Variants in IL17C observed in about 807,000 individuals in gnomAD.
IL17C encodes the protein interleukin-17C.
In IL17C, 13 loss-of-function variants were observed where a neutral mutation model predicts 11.0. The ratio of observed to expected loss-of-function variants is 1.18; its 90% CI spans 0.77 to 1.88. IL17C has a LOEUF of 1.88. IL17C is among the 40% of genes most tolerant of loss of function. The probability of loss-of-function intolerance (pLI) is 0.00; values close to 1 mark genes in which losing one functional copy is unlikely to be tolerated. For synonymous variants in IL17C, 150 were observed against 125.8 expected (o/e 1.19, Z -1.29); for missense variants, 357 against 278.2 (o/e 1.28, Z -2.01).
rs377313526 is a variant in IL17C, at chr16:88,639,119, C to T, written c.145C>T (p.Pro49Ser). The T allele has an allele frequency of 6.2e-7, 1 of 1,613,164 alleles. No homozygotes were observed. The highest frequency in any genetic ancestry group is 8.5e-7 in the Non-Finnish European group (1 of 1,179,954). ...GGAACTGCCCCTCGGCCAGGCCCCC[C>T]CACACCTGCTGGCTCGAGGTGCCAA... Reference protein sequence around the residue: ...AEELPLGQAPPHLLARGAKWG... With the variant: ...AEELPLGQAPSHLLARGAKWG... Residue 49 changes from proline (P) to serine (S), a missense_variant, in exon 2 of 3, where the codon CCA (proline) becomes TCA (serine). Pro to Ser is a moderately conservative substitution (Grantham distance 74). Coordinates refer to ENST00000244241, the MANE Select transcript of IL17C (RefSeq NM_013278.4). This position sits in a 1 kb window ranked among gnomAD's most constrained non-coding sequence, Gnocchi z 5.1.
chr16:88,639,371 GCCCGGAGA>G lies in IL17C; in HGVS notation c.335+63_335+70del. 7.0e-7 allele frequency: 1 copy of G among 1,436,312 alleles called. No individual in the cohort carries two copies. The highest frequency in any genetic ancestry group is 2.3e-5 in the Admixed American group (1 of 42,848). The allele number at this position is 1,436,312 out of a possible 1,614,324, so 89.0% of individuals were successfully genotyped here. ...CCCCTCCCCTGGCGGGGCCCTGACT[GCCCGGAGA>G]GCTCTCTGGGCCTTGGTGGTTCTCA... is the stretch of plus-strand genomic sequence containing the variant. On this transcript the variant is annotated intron_variant, in intron 2 of 2. Transcript: ENST00000244241. The surrounding 1 kb of genome is among the most constrained non-coding windows in gnomAD (Gnocchi z 5.1).
chr16:88,640,290 C>T lies in IL17C; in HGVS notation c.*218C>T. On this transcript the variant is annotated 3_prime_UTR_variant, in exon 3 of 3. Transcript: ENST00000244241. ...TCAGCACCTCTTCCAGCCCTTAAAGCTGCAGAAAAGGTGTCACACGGCTGC... is the reference window on the plus strand; with the variant it reads ...TCAGCACCTCTTCCAGCCCTTAAAGTTGCAGAAAAGGTGTCACACGGCTGC... The T allele has an allele frequency of 1.9e-6, 1 of 514,106 alleles. No individual in the cohort carries two copies. The highest frequency in any genetic ancestry group is 3.3e-6 in the Non-Finnish European group (1 of 300,292). The allele number at this position is 514,106 out of a possible 1,614,324, so 31.8% of individuals were successfully genotyped here. A position where few individuals can be genotyped will look rare whatever the true frequency, so the allele number is the denominator to read the frequency against.
At position 88,638,983 on chromosome 16, in the gene IL17C, C is replaced by T; in HGVS notation, c.9C>T (p.Leu3=). 1 of 1,560,108 alleles carries T rather than the reference C, an allele frequency of 6.4e-7. No homozygotes were observed. Among genetic ancestry groups the T allele is most frequent in the Non-Finnish European group, 8.7e-7 (1 of 1,149,966 alleles). The part of the protein sequence containing the change: MT[L]LPGLLFLTWL... ...CACCCACCTGCCTGTTTCACCAGCT[C>T]CTCCCCGGCCTCCTGTTTCTGACCT... Residue 3 remains leucine, a splice_region_variant and synonymous_variant, in exon 2 of 3, where the codon CTC becomes CTT. Coordinates refer to ENST00000244241, the MANE Select transcript of IL17C (RefSeq NM_013278.4).
Position 88,639,797 on chromosome 16 carries a change from T to C in IL17C, c.336-17T>C, listed in dbSNP as rs947346530. Reference sequence around the variant, plus strand: ...ACAGGGTAGGGCCAGAGACTCACTGTGCACCCCGTCCCGCAGTGTGGACAC... The same window carrying C: ...ACAGGGTAGGGCCAGAGACTCACTGCGCACCCCGTCCCGCAGTGTGGACAC... On this transcript the variant is annotated splice_polypyrimidine_tract_variant and intron_variant, in intron 2 of 2. Coordinates refer to ENST00000244241, the MANE Select transcript of IL17C (RefSeq NM_013278.4). This position sits in a 1 kb window ranked among gnomAD's most constrained non-coding sequence, Gnocchi z 5.1. 1.3e-6 allele frequency: 2 copies of C among 1,526,434 alleles called. No homozygotes were observed. Among genetic ancestry groups the C allele is most frequent in the Admixed American group, 3.9e-5 (2 of 50,816 alleles). 94.6% of individuals were successfully genotyped at this position (1,526,434 alleles called of 1,614,324 possible). A position where few individuals can be genotyped will look rare whatever the true frequency, so the allele number is the denominator to read the frequency against.
In IL17C at chr16:88,640,094, T is replaced by C. The variant is rs1907019129; in HGVS notation, c.*22T>C. ...GTGACCGCCGAGGCCGTGGGGCCCC[T>C]AGACTGGACACGTGTGCTCCCCAGA... On this transcript the variant is annotated 3_prime_UTR_variant, in exon 3 of 3. Transcript: ENST00000244241. The C allele has an allele frequency of 2.0e-6, 3 of 1,528,356 alleles. No individual in the cohort carries two copies. In the East Asian group the frequency reaches 6.8e-5, roughly 35 times the overall value. The allele number at this position is 1,528,356 out of a possible 1,614,324, so 94.7% of individuals were successfully genotyped here. A position where few individuals can be genotyped will look rare whatever the true frequency, so the allele number is the denominator to read the frequency against.
chr16:88,639,595 G>C lies in IL17C; in HGVS notation c.336-219G>C, dbSNP rs11465494. 6.6e-6 allele frequency among the ~76,000 whole-genome samples: 1 copy of C among 152,150 alleles called. No individual in the cohort carries two copies. The highest frequency in any genetic ancestry group is 1.5e-5 in the Non-Finnish European group (1 of 68,012). The stretch of plus-strand genomic sequence containing the variant: ...GGCTGGGTGATGAAGTGGAAGGGAG[G>C]CTCCTAGAGGCCTCCGGACCCTGCT... On this transcript the variant is annotated intron_variant, in intron 2 of 2. Transcript: ENST00000244241. This position sits in a 1 kb window ranked among gnomAD's most constrained non-coding sequence, Gnocchi z 5.1.
rs760769153 is a variant in IL17C at position 88,638,632 on chromosome 16, T to G, written c.-10T>G. On this transcript the variant is annotated 5_prime_UTR_variant, in exon 1 of 3. Transcript: ENST00000244241. ...CCGCTCCAAGCCCAGCCTGCCCCGC[T>G]GCCGCCACCATGACGGTGAGCCTCT... The G allele has an allele frequency of 1.2e-6, 2 of 1,612,678 alleles. No individual in the cohort carries two copies. Among genetic ancestry groups the G allele is most frequent in the Non-Finnish European group, 1.7e-6 (2 of 1,180,006 alleles).
In IL17C at chr16:88,639,106, C is replaced by A. The variant is rs906742659; in HGVS notation, c.132C>A (p.Leu44=). The A allele has an allele frequency of 1.2e-6, 2 of 1,613,170 alleles. No individual in the cohort carries two copies. The highest frequency in any genetic ancestry group is 2.2e-5 in the East Asian group (1 of 44,886). ...PHCYSAEELP[L]GQAPPHLLAR... ...GCTACTCGGCTGAGGAACTGCCCCTCGGCCAGGCCCCCCCACACCTGCTGG... is the reference window on the plus strand; with the variant it reads ...GCTACTCGGCTGAGGAACTGCCCCTAGGCCAGGCCCCCCCACACCTGCTGG... The change falls in exon 2 of 3, where the codon CTC becomes CTA. Residue 44 remains leucine, a synonymous_variant. Transcript: ENST00000244241. This position sits in a 1 kb window ranked among gnomAD's most constrained non-coding sequence, Gnocchi z 5.1.
Position 88,639,779 on chromosome 16 carries a change from A to G in IL17C, c.336-35A>G, listed in dbSNP as rs1452677890. The stretch of plus-strand genomic sequence containing the variant: ...AGAGGGGCCTCCAGGAGGACAGGGT[A>G]GGGCCAGAGACTCACTGTGCACCCC... On this transcript the variant is annotated intron_variant, in intron 2 of 2. Coordinates refer to ENST00000244241, the MANE Select transcript of IL17C (RefSeq NM_013278.4). The surrounding 1 kb of genome is among the most constrained non-coding windows in gnomAD (Gnocchi z 5.1). The G allele has an allele frequency of 2.7e-6, 4 of 1,500,858 alleles. No individual in the cohort carries two copies. Among genetic ancestry groups the G allele is most frequent in the Non-Finnish European group, 2.7e-6 (3 of 1,121,086 alleles). 93.0% of individuals were successfully genotyped at this position (1,500,858 alleles called of 1,614,324 possible).
rs1906992977 is a variant in IL17C at position 88,639,414 on chromosome 16, T to A, written c.335+105T>A. On this transcript the variant is annotated intron_variant, in intron 2 of 2. Coordinates refer to ENST00000244241, the MANE Select transcript of IL17C (RefSeq NM_013278.4). The surrounding 1 kb of genome is among the most constrained non-coding windows in gnomAD (Gnocchi z 5.1). ...GCCTTGGTGGTTCTCACCTGTCAAGTGGGCGTGGCCACCTGAGCTCCCTCC... is the reference window on the plus strand; with the variant it reads ...GCCTTGGTGGTTCTCACCTGTCAAGAGGGCGTGGCCACCTGAGCTCCCTCC... The A allele has an allele frequency of 2.6e-6, 3 of 1,159,248 alleles. No homozygotes were observed. The African/African-American group carries it at 4.7e-5, about 18-fold the overall frequency. The allele number at this position is 1,159,248 out of a possible 1,614,324, so 71.8% of individuals were successfully genotyped here.
In IL17C at chr16:88,638,626, C is replaced by G; in HGVS notation, c.-16C>G. 2 of 1,612,518 alleles carry G rather than the reference C, an allele frequency of 1.2e-6. No individual in the cohort carries two copies. Among genetic ancestry groups the G allele is most frequent in the Non-Finnish European group, 1.7e-6 (2 of 1,179,992 alleles). On this transcript the variant is annotated 5_prime_UTR_variant, in exon 1 of 3. Transcript: ENST00000244241. The stretch of plus-strand genomic sequence containing the variant: ...TGCAGGCCGCTCCAAGCCCAGCCTG[C>G]CCCGCTGCCGCCACCATGACGGTGA...
chr16:88,639,116 C>A lies in IL17C; in HGVS notation c.142C>A (p.Pro48Thr), dbSNP rs780165464. The A allele has an allele frequency of 6.2e-7, 1 of 1,613,166 alleles. No individual in the cohort carries two copies. Among genetic ancestry groups the A allele is most frequent in the East Asian group, 2.2e-5 (1 of 44,890 alleles). ...SAEELPLGQA[P>T]PHLLARGAKW... Reference sequence around the variant, plus strand: ...TGAGGAACTGCCCCTCGGCCAGGCCCCCCCACACCTGCTGGCTCGAGGTGC... The same window carrying A: ...TGAGGAACTGCCCCTCGGCCAGGCCACCCCACACCTGCTGGCTCGAGGTGC... The change falls in exon 2 of 3, where the codon CCC becomes ACC. Residue 48 changes from proline (P) to threonine (T), a missense_variant. Coordinates refer to ENST00000244241, the MANE Select transcript of IL17C (RefSeq NM_013278.4). This position sits in a 1 kb window ranked among gnomAD's most constrained non-coding sequence, Gnocchi z 5.1.
rs201405012 is a variant in IL17C at position 88,639,249 on chromosome 16, G to A, written c.275G>A (p.Arg92Gln). Reference protein sequence around the residue: ...PSATTQCPVLRPEEVLEADTH... With the variant: ...PSATTQCPVLQPEEVLEADTH... ...GCTACGACCCAGTGCCCGGTGCTGC[G>A]GCCGGAGGAGGTGTTGGAGGCAGAC... The change falls in exon 2 of 3, where the codon CGG becomes CAG. Residue 92 changes from arginine (R) to glutamine (Q), a missense_variant. Coordinates refer to ENST00000244241, the MANE Select transcript of IL17C (RefSeq NM_013278.4). The surrounding 1 kb of genome is among the most constrained non-coding windows in gnomAD (Gnocchi z 5.1). The A allele has an allele frequency of 1.7e-4, 271 of 1,612,184 alleles. No individual in the cohort carries two copies. The Admixed American group carries it at 2.0e-3, about 12-fold the overall frequency.
chr16:88,639,231 C>A lies in IL17C; in HGVS notation c.257C>A (p.Thr86Asn), dbSNP rs1427219556. The change falls in exon 2 of 3, where the codon ACC (threonine) becomes AAC (asparagine). Residue 86 changes from threonine to asparagine, a missense_variant. Thr to Asn is a moderately conservative substitution (Grantham distance 65). Transcript: ENST00000244241. The surrounding 1 kb of genome is among the most constrained non-coding windows in gnomAD (Gnocchi z 5.1). ...AGGCACGAGAGGCCCTCAGCTACGA[C>A]CCAGTGCCCGGTGCTGCGGCCGGAG... Reference protein sequence around the residue: ...RGRHERPSATTQCPVLRPEEV... With the variant: ...RGRHERPSATNQCPVLRPEEV... The A allele has an allele frequency of 1.2e-6, 2 of 1,612,586 alleles. No individual in the cohort carries two copies. The highest frequency in any genetic ancestry group is 1.7e-6 in the Non-Finnish European group (2 of 1,179,780).
At position 88,639,681 on chromosome 16, in the gene IL17C, C is replaced by T; in HGVS notation, c.336-133C>T. The T allele has an allele frequency of 8.8e-7, 1 of 1,140,608 alleles. No individual in the cohort carries two copies. The highest frequency in any genetic ancestry group is 1.6e-5 in the African/African-American group (1 of 64,052). The allele number at this position is 1,140,608 out of a possible 1,614,324, so 70.7% of individuals were successfully genotyped here. On this transcript the variant is annotated intron_variant, in intron 2 of 2. Coordinates refer to ENST00000244241, the MANE Select transcript of IL17C (RefSeq NM_013278.4). This position sits in a 1 kb window ranked among gnomAD's most constrained non-coding sequence, Gnocchi z 5.1. ...ACCACCACATGTGAGCCCGACTGCACCCCAAGCCCGTGTGGCTCAGCCCTC... is the reference window on the plus strand; with the variant it reads ...ACCACCACATGTGAGCCCGACTGCATCCCAAGCCCGTGTGGCTCAGCCCTC...
rs762858747 is a variant in IL17C at position 88,638,992 on chromosome 16, C to G, written c.18C>G (p.Gly6=). The G allele has an allele frequency of 6.4e-7, 1 of 1,570,464 alleles. No homozygotes were observed. Among genetic ancestry groups the G allele is most frequent in the Admixed American group, 1.8e-5 (1 of 56,380 alleles). MTLLP[G]LLFLTWLHTC... is the part of the protein sequence containing the mutation. ...GCCTGTTTCACCAGCTCCTCCCCGGCCTCCTGTTTCTGACCTGGCTGCACA... is the reference window on the plus strand; with the variant it reads ...GCCTGTTTCACCAGCTCCTCCCCGGGCTCCTGTTTCTGACCTGGCTGCACA... Residue 6 remains glycine (G), a synonymous_variant, in exon 2 of 3, where the codon GGC becomes GGG. Transcript: ENST00000244241.
In IL17C at chr16:88,639,977, G is replaced by A. The variant is rs199990283; in HGVS notation, c.499G>A (p.Gly167Ser). The change falls in exon 3 of 3, where the codon GGC (glycine) becomes AGC (serine). Residue 167 changes from glycine (G) to serine (S), a missense_variant. Gly to Ser is a moderately conservative substitution (Grantham distance 56). Transcript: ENST00000244241. This position sits in a 1 kb window ranked among gnomAD's most constrained non-coding sequence, Gnocchi z 5.1. ...GCGCCGCCGGCCCTGCTCCCGCGAC[G>A]GCTCGGGGCTCCCCACACCTGGGGC... ...VLRRRPCSRDGSGLPTPGAFA... is the reference protein window; with the variant it reads ...VLRRRPCSRDSSGLPTPGAFA... 4.8e-4 allele frequency: 771 copies of A among 1,609,664 alleles called. 5 individuals are homozygous for A. In the African/African-American group the frequency reaches 7.2e-3, roughly 15 times the overall value.
Position 88,639,252 on chromosome 16 carries a change from C to A in IL17C, c.278C>A (p.Pro93Gln). 6.2e-7 allele frequency: 1 copy of A among 1,612,068 alleles called. No individual in the cohort carries two copies. Among genetic ancestry groups the A allele is most frequent in the Non-Finnish European group, 8.5e-7 (1 of 1,179,606 alleles). The change falls in exon 2 of 3, where the codon CCG (proline) becomes CAG (glutamine). Residue 93 changes from proline to glutamine, a missense_variant. By Grantham distance (76) the Pro-to-Gln change is moderately conservative. Coordinates refer to ENST00000244241, the MANE Select transcript of IL17C (RefSeq NM_013278.4). The surrounding 1 kb of genome is among the most constrained non-coding windows in gnomAD (Gnocchi z 5.1). ...ACGACCCAGTGCCCGGTGCTGCGGCCGGAGGAGGTGTTGGAGGCAGACACC... is the reference window on the plus strand; with the variant it reads ...ACGACCCAGTGCCCGGTGCTGCGGCAGGAGGAGGTGTTGGAGGCAGACACC... ...SATTQCPVLR[P>Q]EEVLEADTHQ...
chr16:88,638,726 C>T, intron 1 of IL17C, 79 bp downstream of exon 1: 13 of 1,603,462 alleles, frequency 8.1e-6, no homozygotes, highest in Non-Finnish European at 1.1e-5. Flanking sequence ...GTTCTCTGAG[C>T]CTGGGAGGAG....
Sources: gnomAD v4.1 joint callset for allele counts (sites outside exome capture counted in the v4.1 genomes callset) on GRCh38, gnomAD v4.1.1 for gene constraint, Gnocchi (gnomAD v3.1) non-coding constraint, MANE v1.5 for transcripts, NCBI Gene and HGNC (gene_info 2026-07-23, HGNC 2026-07-21) for gene names.